CDK6: variants seen among roughly 807,000 people sequenced by gnomAD.
CDK6 encodes cyclin-dependent kinase 6.
Under a neutral mutation model 37.1 loss-of-function variants are expected in CDK6, and 6 were observed. That is an observed-to-expected ratio of 0.16 (90% CI 0.09 to 0.32). CDK6 has a LOEUF of 0.32. Among genes scored for constraint, CDK6 ranks in the 10% least tolerant of loss-of-function variants. CDK6 has a pLI of 1.00. For missense variants in CDK6, 224 were observed against 418.9 expected (o/e 0.53, Z 4.06); for synonymous variants, 160 against 161.3 (o/e 0.99, Z 0.06).
At chr7:92,831,284 A>G (rs1801471910) in intron 2 of CDK6, among the ~76,000 whole-genome samples, 1 of 152,178 alleles carries the variant, frequency 6.6e-6, no homozygotes, top group Non-Finnish European at 1.5e-5. Context: ...TGCCTCTGGT[A>G]TAAGAATGGC....
intron 5 of CDK6, 131 bp from the exon 6 acceptor site, chr7:92,623,217 A>G (rs1485182008): frequency 3.1e-6 from 2 of 646,342 alleles, no homozygotes; most frequent in Admixed American, 2.8e-5. Context: ...AAAAATTGAG[A>G]CATTTTTCCT....
At chr7:92,737,647 G>A (rs750009694) in intron 3 of CDK6, among the ~76,000 whole-genome samples, 1 of 152,112 alleles carries the variant, frequency 6.6e-6, no homozygotes, top group Non-Finnish European at 1.5e-5. Flanking sequence ...CATTACAAAT[G>A]AACTTTCTTA....
At chr7:92,743,917 A>T (rs185989047) in intron 3 of CDK6, among the ~76,000 whole-genome samples, 22 of 152,302 alleles carry the variant, frequency 1.4e-4, no homozygotes, top group African/African-American at 4.3e-4. Context: ...CATAAGGAAG[A>T]CTGGAATGTT....
In CDK6 at chr7:92,607,850, C is replaced by G. The variant is rs956989715; in HGVS notation, c.*7290G>C. The G allele has an allele frequency of 8.6e-6, 2 of 233,112 alleles. No individual in the cohort carries two copies. Among genetic ancestry groups the G allele is most frequent in the Non-Finnish European group, 1.7e-5 (2 of 117,798 alleles). The allele number at this position is 233,112 out of a possible 1,614,324, so 14.4% of individuals were successfully genotyped here. A position where few individuals can be genotyped will look rare whatever the true frequency, so the allele number is the denominator to read the frequency against. On this transcript the variant is annotated 3_prime_UTR_variant, in exon 8 of 8. Transcript: ENST00000424848. ...ATAAAAAGTGAGGAACTATGATATA[C>G]ATGTGTATATTTTTGCAAACACAGG...
chr7:92,730,639 C>T (rs1736157105), intron 3 of CDK6, among the ~76,000 whole-genome samples: 2 of 152,294 alleles, frequency 1.3e-5, no homozygotes, highest in South Asian at 4.1e-4. Context: ...CTGGATTTGT[C>T]TTTTTGTGAG....
chr7:92,771,712 GAGTGAAT>G (rs1482720353), intron 3 of CDK6, among the ~76,000 whole-genome samples: 1 of 152,200 alleles, frequency 6.6e-6, no homozygotes, highest in Non-Finnish European at 1.5e-5. Flanking sequence ...TCCCTGCACA[GAGTGAAT>G]ATTCAATAAA....
intron 5 of CDK6, among the ~76,000 whole-genome samples, chr7:92,653,248 C>T (rs1796615704): frequency 6.6e-6 from 1 of 152,150 alleles, no homozygotes; most frequent in African/African-American, 2.4e-5. Flanking sequence ...TTCAATCTAC[C>T]ATCTATCTGA....
chr7:92,647,548 T>C (rs183422639), intron 5 of CDK6, among the ~76,000 whole-genome samples: 1 of 152,302 alleles, frequency 6.6e-6, no homozygotes, highest in Admixed American at 6.5e-5. Flanking sequence ...AATAAACTTA[T>C]GGATCCAAAT....
chr7:92,755,228 T>C (rs1225238855), intron 3 of CDK6, among the ~76,000 whole-genome samples: 1 of 152,066 alleles, frequency 6.6e-6, no homozygotes, highest in African/African-American at 2.4e-5. Context: ...GGGGCCCACT[T>C]CTAGGCTTTC....
chr7:92,768,569 T>C (rs1799639166), intron 3 of CDK6, among the ~76,000 whole-genome samples: 1 of 152,242 alleles, frequency 6.6e-6, no homozygotes. Context: ...TTTAAAAACA[T>C]GGTCTATTCA....
chr7:92,706,074 T>C (rs750412786), intron 4 of CDK6, among the ~76,000 whole-genome samples: 2 of 152,246 alleles, frequency 1.3e-5, no homozygotes, highest in Non-Finnish European at 2.9e-5. Context: ...GAAGTGTATG[T>C]TATCTGTGAC....
chr7:92,830,725 A>G (rs575052371), intron 2 of CDK6, among the ~76,000 whole-genome samples: 2 of 152,334 alleles, frequency 1.3e-5, no homozygotes, highest in East Asian at 3.9e-4. Context: ...GGAAACAAAA[A>G]GGGAATGAAG....
At chr7:92,617,840 G>A (rs1795714885) in intron 7 of CDK6, among the ~76,000 whole-genome samples, 1 of 152,194 alleles carries the variant, frequency 6.6e-6, no homozygotes, top group African/African-American at 2.4e-5. Context: ...ATTCAAAGAT[G>A]GCAGATTTAA....
chr7:92,774,328 T>C (rs1238479123), intron 3 of CDK6, among the ~76,000 whole-genome samples: 7 of 152,308 alleles, frequency 4.6e-5, no homozygotes, highest in African/African-American at 1.4e-4. Context: ...TCAAATTATG[T>C]CTCTCATAGA....
At chr7:92,749,198 A>T (rs1046051063) in intron 3 of CDK6, among the ~76,000 whole-genome samples, 6 of 125,108 alleles carry the variant, frequency 4.8e-5, no homozygotes, top group South Asian at 4.8e-4. Flanking sequence ...GACTCTGCCT[A>T]AAAAAAAAAA....
chr7:92,668,093 A>G (rs1347174961), intron 5 of CDK6, among the ~76,000 whole-genome samples: 1 of 152,088 alleles, frequency 6.6e-6, no homozygotes, highest in East Asian at 1.9e-4. Context: ...ATATAGGTAA[A>G]TCATTTTTTA....
At chr7:92,643,891 G>A (rs1054776400) in intron 5 of CDK6, among the ~76,000 whole-genome samples, 1 of 152,138 alleles carries the variant, frequency 6.6e-6, no homozygotes, top group East Asian at 1.9e-4. Context: ...TTTGTGTTTC[G>A]CAAAGTTCAT....
At chr7:92,618,737 GAAGGA>G (rs1795736203) in intron 6 of CDK6, among the ~76,000 whole-genome samples, 1 of 152,138 alleles carries the variant, frequency 6.6e-6, no homozygotes, top group South Asian at 2.1e-4. Context: ...ATTAGAATCA[GAAGGA>G]AAAATGAGGC....
intron 4 of CDK6, among the ~76,000 whole-genome samples, chr7:92,716,451 T>C (rs753105390): frequency 1.3e-5 from 2 of 152,192 alleles, no homozygotes; most frequent in Non-Finnish European, 1.5e-5. Context: ...CACCATGTAC[T>C]CAAGTGCCCA....
Sources: gnomAD v4.1 joint callset for allele counts (sites outside exome capture counted in the v4.1 genomes callset) on GRCh38, gnomAD v4.1.1 for gene constraint, MANE v1.5 for transcripts, NCBI Gene and HGNC (gene_info 2026-07-23, HGNC 2026-07-21) for gene names.